The following ZNF608 variants were observed in gnomAD, a reference collection of about 807,000 sequenced individuals.
ZNF608 encodes renal carcinoma antigen NY-REN-36.
In ZNF608, 12 loss-of-function variants were observed where a neutral mutation model predicts 109.0. That is an observed-to-expected ratio of 0.11 (90% CI 0.07 to 0.18). The LOEUF (loss-of-function observed/expected upper bound fraction) is 0.18, where lower values mean the gene tolerates loss of function less well. ZNF608 is among the 10% of genes least tolerant of loss of function. ZNF608 has a pLI of 1.00. For missense variants in ZNF608, 1,707 were observed against 1,879.3 expected (o/e 0.91, Z 1.70); for synonymous variants, 732 against 717.4 (o/e 1.02, Z -0.33).
intron 3 of ZNF608, among the ~76,000 whole-genome samples, chr5:124,686,689 G>T (rs1752425612): frequency 6.6e-6 from 1 of 152,340 alleles, no homozygotes; most frequent in Non-Finnish European, 1.5e-5. Context: ...GGCCTCTGCT[G>T]CTGCTCAAGT....
At chr5:124,739,051 A>C (rs1749265927) in intron 2 of ZNF608, among the ~76,000 whole-genome samples, 1 of 152,220 alleles carries the variant, frequency 6.6e-6, no homozygotes, top group Non-Finnish European at 1.5e-5. Flanking sequence ...AGAATGCATT[A>C]TGTGTTAATG....
In ZNF608 at chr5:124,687,757, A is replaced by G. The variant is rs10478637; in HGVS notation, c.1162+13257T>C. On this transcript the variant is annotated intron_variant, in intron 3 of 9. Coordinates refer to ENST00000513986, the MANE Select transcript of ZNF608 (RefSeq NM_020747.3). ...CTTTTGCCAGGAAAATACCAGCCAAACTTATTTGAGATCAGAAAGGCCCCA... is the reference window on the plus strand; with the variant it reads ...CTTTTGCCAGGAAAATACCAGCCAAGCTTATTTGAGATCAGAAAGGCCCCA... Among the ~76,000 whole-genome samples, 435 of 152,230 alleles carry G rather than the reference A, an allele frequency of 2.9e-3. 2 individuals carry two copies. The highest frequency in any genetic ancestry group is 9.7e-3 in the African/African-American group (404 of 41,546).
intron 4 of ZNF608, 118 bp downstream of exon 4, chr5:124,649,491 CA>C (rs1750687988): frequency 2.6e-6 from 2 of 768,618 alleles, no homozygotes; most frequent in East Asian, 5.9e-5. Flanking sequence ...CTAAATTGCT[CA>C]TTTCTCCTTT....
intron 3 of ZNF608, among the ~76,000 whole-genome samples, chr5:124,693,913 C>T (rs1306501597): frequency 3.5e-5 from 5 of 142,970 alleles, no homozygotes; most frequent in African/African-American, 1.3e-4. Flanking sequence ...ATGTGAAGAC[C>T]TGTCTTCCAT....
rs1056341683 is a variant in ZNF608 at position 124,746,467 on chromosome 5, C to T, written c.-456G>A. On this transcript the variant is annotated 5_prime_UTR_variant, in exon 1 of 10. Coordinates refer to ENST00000513986, the MANE Select transcript of ZNF608 (RefSeq NM_020747.3). ...TGTTTCACATTCACAACAGAAGCACCAAAGGTTTTTTTTTCCTCTTAACAA... is the reference window on the plus strand; with the variant it reads ...TGTTTCACATTCACAACAGAAGCACTAAAGGTTTTTTTTTCCTCTTAACAA... 5.1e-6 allele frequency: 5 copies of T among 985,002 alleles called. No homozygotes were observed. Among genetic ancestry groups the T allele is most frequent in the Non-Finnish European group, 6.0e-6 (5 of 829,866 alleles). The allele number at this position is 985,002 out of a possible 1,614,324, so 61.0% of individuals were successfully genotyped here.
intron 3 of ZNF608, among the ~76,000 whole-genome samples, chr5:124,651,279 TG>T (rs1246033882): frequency 1.3e-5 from 2 of 151,672 alleles, no homozygotes; most frequent in Admixed American, 1.3e-4. Flanking sequence ...ACAGAACAAT[TG>T]GAGGAAAGGA....
chr5:124,648,996 C>A lies in ZNF608; in HGVS notation c.1388G>T (p.Gly463Val), dbSNP rs149952656. The change falls in exon 5 of 10, where the codon GGG (glycine) becomes GTG (valine). Residue 463 changes from glycine (G) to valine (V), a missense_variant. Around this residue, in one of 7 missense-constraint regions of ZNF608, gnomAD observed 166 missense variants for 204.2 expected, o/e 0.81. Coordinates refer to ENST00000513986, the MANE Select transcript of ZNF608 (RefSeq NM_020747.3). ...ESRGLQNKNR[G>V]GANGKGRRGS... ...CCGCCTCCCTTTCCCATTGGCCCCC[C>A]CTCTGTTCTTATTCTGCAGCCCTCT... 3.7e-5 allele frequency: 60 copies of A among 1,614,182 alleles called. No homozygotes were observed. The highest frequency in any genetic ancestry group is 3.3e-4 in the Middle Eastern group (2 of 6,062).
intron 9 of ZNF608, among the ~76,000 whole-genome samples, chr5:124,638,259 T>G (rs1462728093): frequency 2.6e-5 from 4 of 151,550 alleles, no homozygotes; most frequent in Admixed American, 6.6e-5. Flanking sequence ...CAACAGTTTT[T>G]TTTTTTTTTA....
intron 3 of ZNF608, among the ~76,000 whole-genome samples, chr5:124,680,681 T>G (rs952542564): frequency 2.1e-4 from 32 of 151,940 alleles, no homozygotes; most frequent in African/African-American, 7.5e-4. Context: ...AAAATACACA[T>G]GACAAATCAC....
intron 3 of ZNF608, among the ~76,000 whole-genome samples, chr5:124,676,229 G>C (rs1398673954): frequency 1.3e-5 from 2 of 152,194 alleles, no homozygotes; most frequent in African/African-American, 4.8e-5. Context: ...AGCCATCTGA[G>C]GGGCGAGTGC....
At chr5:124,709,130 C>G (rs1753385486) in intron 2 of ZNF608, among the ~76,000 whole-genome samples, 1 of 134,792 alleles carries the variant, frequency 7.4e-6, no homozygotes, top group East Asian at 2.1e-4. Context: ...GAGACTGCAC[C>G]ATTGCCCTCC....
At chr5:124,747,500 G>A (rs1355378860), upstream of ZNF608, among the ~76,000 whole-genome samples, 2 of 151,764 alleles carry the variant, frequency 1.3e-5, no homozygotes, top group Non-Finnish European at 2.9e-5. Context: ...CATCACGTGA[G>A]GATCAAGGGC....
chr5:124,641,467 A>C, intron 7 of ZNF608, 62 bp from the exon 8 acceptor site: 1 of 1,517,582 alleles, frequency 6.6e-7, no homozygotes, highest in African/African-American at 1.4e-5. Flanking sequence ...TAAGAGTACT[A>C]AACCACCTTT....
intron 3 of ZNF608, among the ~76,000 whole-genome samples, chr5:124,681,805 A>T (rs995134314): frequency 6.6e-6 from 1 of 152,232 alleles, no homozygotes; most frequent in Non-Finnish European, 1.5e-5. Flanking sequence ...CTGGAAACAA[A>T]GAAAAGATGA....
At chr5:124,679,261 C>T (rs1281456575) in intron 3 of ZNF608, among the ~76,000 whole-genome samples, 2 of 152,176 alleles carry the variant, frequency 1.3e-5, no homozygotes, top group African/African-American at 4.8e-5. Context: ...CTGTGTAGGA[C>T]TTGAGCAACA....
intron 3 of ZNF608, among the ~76,000 whole-genome samples, chr5:124,680,097 A>G (rs908076378): frequency 2.6e-5 from 4 of 152,170 alleles, no homozygotes; most frequent in Non-Finnish European, 5.9e-5. Context: ...TTAAGTCCCA[A>G]GCTTATAGTC....
intron 2 of ZNF608, among the ~76,000 whole-genome samples, chr5:124,705,991 C>T (rs1753244036): frequency 6.6e-6 from 1 of 152,232 alleles, no homozygotes; most frequent in Non-Finnish European, 1.5e-5. Context: ...CAGACCAGGT[C>T]CCTGCCCTTC....
intron 2 of ZNF608, among the ~76,000 whole-genome samples, chr5:124,711,574 C>T (rs1753489738): frequency 6.6e-6 from 1 of 152,172 alleles, no homozygotes; most frequent in Non-Finnish European, 1.5e-5. Flanking sequence ...TGTATTAACC[C>T]CAGGCCCTCC....
intron 2 of ZNF608, among the ~76,000 whole-genome samples, chr5:124,735,495 A>G (rs567742314): frequency 7.9e-5 from 12 of 152,376 alleles, no homozygotes; most frequent in Admixed American, 6.5e-4. Flanking sequence ...GACCTGCTGA[A>G]GAAACCAGTG....
Sources: gnomAD v4.1 joint callset for allele counts (sites outside exome capture counted in the v4.1 genomes callset) on GRCh38, gnomAD v4.1.1 for gene constraint, gnomAD v4.1.1 regional missense constraint, MANE v1.5 for transcripts, NCBI Gene and HGNC (gene_info 2026-07-23, HGNC 2026-07-21) for gene names.